CDK6: variants seen among roughly 807,000 people sequenced by gnomAD.
CDK6 encodes cyclin-dependent kinase 6.
CDK6 carries 6 observed loss-of-function variants against 37.1 expected under a neutral mutation model. The observed-to-expected ratio is 0.16, with a 90% confidence interval of 0.09 to 0.32. The LOEUF (loss-of-function observed/expected upper bound fraction) is 0.32, where lower values mean the gene tolerates loss of function less well. CDK6 is among the 10% of genes least tolerant of loss of function. CDK6 has a pLI of 1.00. For missense variants in CDK6, 224 were observed against 418.9 expected (o/e 0.53, Z 4.06); for synonymous variants, 160 against 161.3 (o/e 0.99, Z 0.06).
At chr7:92,832,667 A>G (rs889518747) in intron 2 of CDK6, among the ~76,000 whole-genome samples, 1 of 152,160 alleles carries the variant, frequency 6.6e-6, no homozygotes. Context: ...CGGCATCCTC[A>G]TTCTCCAGTC....
intron 2 of CDK6, among the ~76,000 whole-genome samples, chr7:92,822,772 G>A (rs1215484399): frequency 2.6e-5 from 4 of 152,038 alleles, no homozygotes; most frequent in Non-Finnish European, 4.4e-5. Flanking sequence ...TTGCAGAATT[G>A]TAAGAATGAT....
intron 6 of CDK6, 53 bp downstream of exon 6, chr7:92,622,983 T>G (rs1246931080): frequency 6.3e-6 from 7 of 1,112,098 alleles, no homozygotes; most frequent in Non-Finnish European, 6.7e-6. Context: ...GGAAAGTCAC[T>G]GTAAATGTTT....
intron 3 of CDK6, among the ~76,000 whole-genome samples, chr7:92,732,392 G>A (rs1025712507): frequency 3.3e-5 from 5 of 152,188 alleles, no homozygotes; most frequent in African/African-American, 1.2e-4. Flanking sequence ...ACCCCAGCCT[G>A]GGCGACAGCT....
chr7:92,688,581 TCACACACACACACACACACACA>T (rs35953301), intron 4 of CDK6, among the ~76,000 whole-genome samples: 6 of 127,576 alleles, frequency 4.7e-5, no homozygotes, highest in East Asian at 2.3e-4. Flanking sequence ...TACATATACA[TCACACACACACACACACACACA>T]CACACACACA....
At position 92,771,699 on chromosome 7, in the gene CDK6, C is replaced by T. The variant is rs116287912; in HGVS notation, c.369+2997G>A. Among the ~76,000 whole-genome samples the T allele has an allele frequency of 1.6e-3, 251 of 152,282 alleles. 1 individual carries two copies. The highest frequency in any genetic ancestry group is 5.8e-3 in the African/African-American group (241 of 41,554). ...TGTCCCTGAACTGCCTAGCACAGAA[C>T]CCTCCCTGCACAGAGTGAATATTCA... is the stretch of plus-strand genomic sequence containing the variant. On this transcript the variant is annotated intron_variant, in intron 3 of 7. Transcript: ENST00000424848.
At chr7:92,675,658 C>A (rs1419925478) in intron 4 of CDK6, among the ~76,000 whole-genome samples, 1 of 152,128 alleles carries the variant, frequency 6.6e-6, no homozygotes, top group African/African-American at 2.4e-5. Context: ...GTACAAACAA[C>A]AGAAGAATAA....
intron 2 of CDK6, among the ~76,000 whole-genome samples, chr7:92,815,860 A>G (rs1047198702): frequency 3.3e-5 from 5 of 152,150 alleles, no homozygotes; most frequent in African/African-American, 1.2e-4. Context: ...ATCACCAAGG[A>G]GTTGTAAGAT....
chr7:92,797,644 A>G (rs536041929), intron 2 of CDK6, among the ~76,000 whole-genome samples: 2 of 152,288 alleles, frequency 1.3e-5, no homozygotes, highest in African/African-American at 4.8e-5. Context: ...ATGTTTCTGC[A>G]TTTTGACTTT....
intron 2 of CDK6, among the ~76,000 whole-genome samples, chr7:92,780,614 A>C (rs1442629497): frequency 3.3e-5 from 5 of 151,930 alleles, no homozygotes; most frequent in African/African-American, 1.2e-4. Context: ...CAAAAAAATT[A>C]GCCGGGCGTG....
At chr7:92,810,821 C>T (rs1190362398) in intron 2 of CDK6, among the ~76,000 whole-genome samples, 1 of 152,036 alleles carries the variant, frequency 6.6e-6, no homozygotes, top group Non-Finnish European at 1.5e-5. Context: ...GCCTGTAATC[C>T]CAGCACTTTG....
At chr7:92,683,762 T>C (rs1477733141) in intron 4 of CDK6, among the ~76,000 whole-genome samples, 2 of 151,872 alleles carry the variant, frequency 1.3e-5, no homozygotes, top group Non-Finnish European at 2.9e-5. Context: ...AGGAAAGACA[T>C]AAAGAAAATA....
At chr7:92,819,627 TA>T (rs1562974744) in intron 2 of CDK6, among the ~76,000 whole-genome samples, 1 of 151,832 alleles carries the variant, frequency 6.6e-6, no homozygotes, top group Non-Finnish European at 1.5e-5. Context: ...ACAAAAAAGT[TA>T]ACCAAAAAAA....
chr7:92,655,313 G>A (rs1374021491), intron 5 of CDK6, among the ~76,000 whole-genome samples: 1 of 151,948 alleles, frequency 6.6e-6, no homozygotes, highest in Non-Finnish European at 1.5e-5. Context: ...TTTGATTGAG[G>A]GTTTACAGAG....
chr7:92,790,139 C>T (rs1290449335), intron 2 of CDK6, among the ~76,000 whole-genome samples: 1 of 152,172 alleles, frequency 6.6e-6, no homozygotes, highest in Admixed American at 6.6e-5. Context: ...ATACTCTGAA[C>T]ATCTCAATTT....
chr7:92,692,379 T>A (rs571358112), intron 4 of CDK6, among the ~76,000 whole-genome samples: 22 of 152,358 alleles, frequency 1.4e-4, no homozygotes, highest in Non-Finnish European at 2.1e-4. Flanking sequence ...TAGCAAGAGC[T>A]ACTATCTGAT....
At chr7:92,752,817 T>C (rs750509044) in intron 3 of CDK6, among the ~76,000 whole-genome samples, 1 of 152,160 alleles carries the variant, frequency 6.6e-6, no homozygotes, top group Non-Finnish European at 1.5e-5. Context: ...TGGCTCATCA[T>C]TGTTCACTAA....
chr7:92,627,588 T>C (rs1173988900), intron 5 of CDK6, among the ~76,000 whole-genome samples: 1 of 152,090 alleles, frequency 6.6e-6, no homozygotes, highest in East Asian at 1.9e-4. Context: ...GAAGAACTTT[T>C]TGCTGTTTAT....
At chr7:92,672,170 CACACACACACACAGACACAT>C (rs1797092075) in intron 4 of CDK6, among the ~76,000 whole-genome samples, 1 of 101,432 alleles carries the variant, frequency 9.9e-6, no homozygotes, top group African/African-American at 4.1e-5. Context: ...TACACATACA[CACACACACACACAGACACAT>C]ACACACACAC....
intron 3 of CDK6, among the ~76,000 whole-genome samples, chr7:92,772,520 T>C (rs113494603): frequency 0.016 from 2,402 of 149,016 alleles, 30 homozygotes; most frequent in Non-Finnish European, 0.024. Context: ...TTCCTGGAGA[T>C]AGACAAAAAG....
Sources: allele counts gnomAD v4.1 joint callset (sites outside exome capture counted in the v4.1 genomes callset), GRCh38; gene constraint gnomAD v4.1.1; transcripts MANE v1.5; gene names NCBI Gene and HGNC (gene_info 2026-07-23, HGNC 2026-07-21).